The following FGF14 variants were observed in gnomAD, a reference collection of about 807,000 sequenced individuals.
FGF14 encodes the protein fibroblast growth factor 14.
A neutral mutation model predicts 25.5 loss-of-function variants in FGF14; 5 were observed. The ratio of observed to expected loss-of-function variants is 0.20; its 90% CI spans 0.10 to 0.41. The LOEUF is 0.41. Ranked by LOEUF, FGF14 falls within the 10% of genes least tolerant of loss-of-function variation. The pLI is 1.00. For missense variants in FGF14, 222 were observed against 320.1 expected (o/e 0.69, Z 2.34); for synonymous variants, 138 against 118.3 (o/e 1.17, Z -1.08).
At chr13:101,804,436 T>A (rs955723629) in intron 3 of FGF14, among the ~76,000 whole-genome samples, 3 of 152,122 alleles carry the variant, frequency 2.0e-5, no homozygotes, top group Non-Finnish European at 4.4e-5. Context: ...TCACAGACAC[T>A]CCTACACACA....
At chr13:102,189,101 GAGAGAGAGAT>G (rs1313760157) in intron 1 of FGF14, among the ~76,000 whole-genome samples, 3 of 148,724 alleles carry the variant, frequency 2.0e-5, no homozygotes, top group Non-Finnish European at 3.0e-5. Context: ...AGAAAGGAGG[GAGAGAGAGAT>G]AGAGAGAGAG....
chr13:101,754,189 G>T (rs1479968865), intron 3 of FGF14, among the ~76,000 whole-genome samples: 1 of 152,126 alleles, frequency 6.6e-6, no homozygotes, highest in Non-Finnish European at 1.5e-5. Flanking sequence ...AGCTGCTGGG[G>T]CTCCTAGGGG....
At chr13:102,237,664 T>C (rs1034135445) in intron 1 of FGF14, among the ~76,000 whole-genome samples, 1 of 151,988 alleles carries the variant, frequency 6.6e-6, no homozygotes, top group African/African-American at 2.4e-5. Flanking sequence ...TTTTAAGTCA[T>C]CTAAGCCATA....
At chr13:102,105,982 TAC>T (rs2044889023) in intron 1 of FGF14, among the ~76,000 whole-genome samples, 1 of 152,196 alleles carries the variant, frequency 6.6e-6, no homozygotes, top group African/African-American at 2.4e-5. Flanking sequence ...GGTGGTGGAT[TAC>T]AGACTGTAAT....
At chr13:101,811,064 C>G (rs2041484205) in intron 3 of FGF14, among the ~76,000 whole-genome samples, 1 of 142,100 alleles carries the variant, frequency 7.0e-6, no homozygotes, top group South Asian at 2.3e-4. Flanking sequence ...TCGACATTCC[C>G]CATTGGAGTG....
At chr13:102,318,049 T>C (rs1339741818) in intron 1 of FGF14, among the ~76,000 whole-genome samples, 1 of 152,186 alleles carries the variant, frequency 6.6e-6, no homozygotes, top group African/African-American at 2.4e-5. Flanking sequence ...CATGTTACCA[T>C]CATGTCTGAA....
In FGF14 at chr13:101,716,767, C is replaced by A. The variant is rs1203233155; in HGVS notation, c.*6064G>T. ...GAGAAATACTGTGATAAAATGGCACCAATCTCAGAAGCTCACAAAAGACCA... is the reference window on the plus strand; with the variant it reads ...GAGAAATACTGTGATAAAATGGCACAAATCTCAGAAGCTCACAAAAGACCA... On this transcript the variant is annotated 3_prime_UTR_variant, in exon 5 of 5. Coordinates refer to ENST00000376143, the MANE Select transcript of FGF14 (RefSeq NM_004115.4). 1.5e-5 allele frequency: 2 copies of A among 132,188 alleles called. No homozygotes were observed. The highest frequency in any genetic ancestry group is 2.4e-4 in the South Asian group (1 of 4,104). The allele number at this position is 132,188 out of a possible 1,614,324, so 8.2% of individuals were successfully genotyped here.
chr13:102,154,333 C>G (rs1039355500), intron 1 of FGF14, among the ~76,000 whole-genome samples: 1 of 151,590 alleles, frequency 6.6e-6, no homozygotes, highest in Non-Finnish European at 1.5e-5. Flanking sequence ...AGAAACCCTA[C>G]AAGCCAGAAG....
At chr13:102,295,472 G>T (rs35897715) in intron 1 of FGF14, among the ~76,000 whole-genome samples, 117,612 of 152,036 alleles carry the variant, frequency 0.77, 46,361 homozygotes, top group African/African-American at 0.93. Flanking sequence ...TGTGGTTTGT[G>T]ATACCTTTGC....
At chr13:101,824,931 C>T (rs1017805171) in intron 3 of FGF14, among the ~76,000 whole-genome samples, 5 of 152,212 alleles carry the variant, frequency 3.3e-5, no homozygotes, top group Non-Finnish European at 5.9e-5. Context: ...GTAGCTGCCC[C>T]AGCTCCACAG....
At chr13:102,194,454 T>C (rs75923401) in intron 1 of FGF14, among the ~76,000 whole-genome samples, 30,182 of 151,778 alleles carry the variant, frequency 0.2, 3,463 homozygotes, top group Admixed American at 0.28. Flanking sequence ...ACAGGCCCCA[T>C]TGTGTGTTGT....
intron 1 of FGF14, among the ~76,000 whole-genome samples, chr13:102,387,455 A>C (rs2058330838): frequency 6.6e-6 from 1 of 152,210 alleles, no homozygotes. Context: ...TGGAATTCTT[A>C]CAGAAAAAAT....
intron 1 of FGF14, among the ~76,000 whole-genome samples, chr13:102,133,394 GAAC>G (rs1201396703): frequency 1.1e-4 from 17 of 152,264 alleles, no homozygotes; most frequent in Middle Eastern, 6.8e-3. Context: ...TTATTAAAAT[GAAC>G]AATAATTTGG....
At chr13:102,388,819 G>A (rs569106369) in intron 1 of FGF14, among the ~76,000 whole-genome samples, 23 of 152,110 alleles carry the variant, frequency 1.5e-4, no homozygotes, top group Non-Finnish European at 2.2e-4. Flanking sequence ...CAATCATGTC[G>A]TTTCTCTTTT....
intron 1 of FGF14, among the ~76,000 whole-genome samples, chr13:102,022,587 T>A (rs1468119835): frequency 6.6e-6 from 1 of 151,994 alleles, no homozygotes; most frequent in Non-Finnish European, 1.5e-5. Flanking sequence ...CCAGAGAACA[T>A]AAATAGATGA....
chr13:101,843,631 A>C (rs768939617), intron 3 of FGF14, among the ~76,000 whole-genome samples: 2 of 152,060 alleles, frequency 1.3e-5, no homozygotes, highest in Non-Finnish European at 2.9e-5. Context: ...AATCCTTATG[A>C]TATCATAAGG....
chr13:101,950,498 A>G (rs566545798), intron 1 of FGF14, among the ~76,000 whole-genome samples: 11 of 152,328 alleles, frequency 7.2e-5, no homozygotes, highest in African/African-American at 2.6e-4. Context: ...GTCTCTAAAC[A>G]TGACACCTAG....
chr13:101,996,070 T>C (rs565893309), intron 1 of FGF14, among the ~76,000 whole-genome samples: 9 of 152,330 alleles, frequency 5.9e-5, no homozygotes, highest in South Asian at 2.1e-4. Flanking sequence ...CTCCATGATA[T>C]GTTTATTTCA....
chr13:102,104,086 A>G (rs963227124), intron 1 of FGF14, among the ~76,000 whole-genome samples: 1 of 152,148 alleles, frequency 6.6e-6, no homozygotes, highest in Non-Finnish European at 1.5e-5. Context: ...CAAGTAGTAC[A>G]TTTATCTTCA....
Sources: allele counts gnomAD v4.1 joint callset (sites outside exome capture counted in the v4.1 genomes callset), GRCh38; gene constraint gnomAD v4.1.1; transcripts MANE v1.5; gene names NCBI Gene and HGNC (gene_info 2026-07-23, HGNC 2026-07-21).